PKD2: variants seen among roughly 807,000 people sequenced by gnomAD.
PKD2 encodes the protein polycystin-2.
Under a neutral mutation model 105.9 loss-of-function variants are expected in PKD2, and 48 were observed. The observed-to-expected ratio is 0.45, with a 90% CI of 0.36 to 0.58. The LOEUF (loss-of-function observed/expected upper bound fraction) is 0.58. PKD2 is among the 20% of genes least tolerant of loss of function. The pLI is 0.00. For missense variants in PKD2, 1,078 were observed against 1,255.3 expected, an observed-to-expected ratio of 0.86 and a Z score of 2.13; for synonymous variants, 464 against 481.1, an observed-to-expected ratio of 0.96 and a Z score of 0.46.
intron 2 of PKD2, among the ~76,000 whole-genome samples, chr4:88,033,184 T>TG (rs1231403594): frequency 6.6e-6 from 1 of 152,146 alleles, no homozygotes; most frequent in African/African-American, 2.4e-5. Flanking sequence ...CCCAGCACTT[T>TG]GGGAGGCCGA....
chr4:88,077,049 AT>A lies in PKD2; in HGVS notation c.*1356del, dbSNP rs1721261389. On this transcript the variant is annotated 3_prime_UTR_variant, in exon 15 of 15. Coordinates refer to ENST00000237596, the MANE Select transcript of PKD2 (RefSeq NM_000297.4). ...AGAAATCTATTTCTCAAAAAAAAAA[AT>A]CTTCTTTTACAGAAATGTTGAGTAA... 6.6e-6 allele frequency: 1 copy of A among 152,190 alleles called. No homozygotes were observed. The highest frequency in any genetic ancestry group is 2.4e-5 in the African/African-American group (1 of 41,450). 9.4% of individuals were successfully genotyped at this position (152,190 alleles called of 1,614,324 possible).
chr4:88,021,174 A>C (rs1726735001), intron 2 of PKD2, among the ~76,000 whole-genome samples: 1 of 152,120 alleles, frequency 6.6e-6, no homozygotes, highest in African/African-American at 2.4e-5. Flanking sequence ...ATAGAAGGTA[A>C]CCCCTGTACG....
chr4:88,009,707 A>G (rs918121972), intron 1 of PKD2, among the ~76,000 whole-genome samples: 2 of 152,222 alleles, frequency 1.3e-5, no homozygotes, highest in Non-Finnish European at 2.9e-5. Context: ...TTTTCGGATA[A>G]CCTGTGTGAG....
At chr4:88,025,778 C>A (rs1450665021) in intron 2 of PKD2, among the ~76,000 whole-genome samples, 1 of 152,072 alleles carries the variant, frequency 6.6e-6, no homozygotes, top group Non-Finnish European at 1.5e-5. Flanking sequence ...GGGATGGTTT[C>A]CCCTCTGCTG....
At chr4:88,066,027 C>T in intron 12 of PKD2, 148 bp downstream of exon 12, 1 of 678,072 alleles carries the variant, frequency 1.5e-6, no homozygotes, top group Non-Finnish European at 2.7e-6. Context: ...GTGTTAGTAC[C>T]CTGTTTATTC....
chr4:88,068,300 C>T (rs2110141680), intron 13 of PKD2, among the ~76,000 whole-genome samples: 2 of 152,230 alleles, frequency 1.3e-5, no homozygotes, highest in East Asian at 3.9e-4. Flanking sequence ...GAAACCCCAT[C>T]TCTATTAAAA....
Position 88,008,329 on chromosome 4 carries a change from G to T in PKD2, c.595+1G>T. The T allele has an allele frequency of 6.6e-7, 1 of 1,506,526 alleles. No individual in the cohort carries two copies. The highest frequency in any genetic ancestry group is 8.8e-7 in the Non-Finnish European group (1 of 1,132,972). 93.3% of individuals were successfully genotyped at this position (1,506,526 alleles called of 1,614,324 possible). On this transcript the variant is annotated splice_donor_variant, in intron 1 of 14. Coordinates refer to ENST00000237596, the MANE Select transcript of PKD2 (RefSeq NM_000297.4). LOFTEE classifies it high-confidence loss of function. ...GAGAGGCTGGTTCGCGGGCTGCGAG[G>T]TAAGAGCGCGCGACCCGCAGCGGCA... is the stretch of plus-strand genomic sequence containing the variant.
intron 6 of PKD2, among the ~76,000 whole-genome samples, chr4:88,048,268 T>G (rs1727849465): frequency 6.6e-6 from 1 of 152,212 alleles, no homozygotes; most frequent in East Asian, 1.9e-4. Flanking sequence ...TTATGAGAGT[T>G]ATTCTTTCCC....
intron 7 of PKD2, among the ~76,000 whole-genome samples, chr4:88,053,639 A>G (rs912433639): frequency 6.7e-6 from 1 of 148,840 alleles, no homozygotes; most frequent in African/African-American, 2.6e-5. Context: ...CCTGGGCAAC[A>G]GAGTGAGACC....
Position 88,046,776 on chromosome 4 carries a change from T to G in PKD2, c.1454T>G (p.Phe485Cys). The change falls in exon 6 of 15, where the codon TTT (phenylalanine) becomes TGT (cysteine). Residue 485 changes from phenylalanine (F) to cysteine (C), a missense_variant. Physicochemically the swap from Phe to Cys is radical, Grantham distance 205 (BLOSUM62 -2). This residue lies in a region of PKD2 where 868 missense variants were observed against 1,067.3 expected (regional missense o/e 0.81). Coordinates refer to ENST00000237596, the MANE Select transcript of PKD2 (RefSeq NM_000297.4). ...GAGATTATCTTTTGTTTCTTTATCT[T>G]TTACTATGTGGTGGAAGAGATATTG... ...ACEIIFCFFI[F>C]YYVVEEILEI... is the part of the protein sequence containing the mutation. 1.2e-6 allele frequency: 2 copies of G among 1,611,248 alleles called. No individual in the cohort carries two copies. The highest frequency in any genetic ancestry group is 1.7e-6 in the Non-Finnish European group (2 of 1,177,320).
At chr4:88,037,871 A>G (rs538799135) in intron 3 of PKD2, among the ~76,000 whole-genome samples, 3 of 147,794 alleles carry the variant, frequency 2.0e-5, no homozygotes, top group African/African-American at 8.0e-5. Flanking sequence ...TTTTCTCTAA[A>G]CAAAGTTTAG....
At chr4:88,028,808 A>G (rs923396984) in intron 2 of PKD2, among the ~76,000 whole-genome samples, 1 of 152,212 alleles carries the variant, frequency 6.6e-6, no homozygotes, top group African/African-American at 2.4e-5. Context: ...TTTAAAGTAA[A>G]AAAATCAGTA....
At chr4:88,010,603 T>C (rs1221037699) in intron 1 of PKD2, among the ~76,000 whole-genome samples, 1 of 152,186 alleles carries the variant, frequency 6.6e-6, no homozygotes, top group Non-Finnish European at 1.5e-5. Context: ...GTGGGAGAAA[T>C]GACTGAAGTT....
intron 6 of PKD2, among the ~76,000 whole-genome samples, chr4:88,048,099 A>C (rs1320048907): frequency 6.6e-6 from 1 of 152,256 alleles, no homozygotes; most frequent in East Asian, 1.9e-4. Context: ...ATATAACAAC[A>C]TGCTTAATTA....
chr4:88,073,363 A>G (rs1166654171), intron 13 of PKD2, among the ~76,000 whole-genome samples: 1 of 151,764 alleles, frequency 6.6e-6, no homozygotes, highest in South Asian at 2.1e-4. Context: ...CATCTCTACT[A>G]AAAAATAGAA....
intron 2 of PKD2, among the ~76,000 whole-genome samples, chr4:88,021,357 T>G (rs1375232859): frequency 6.6e-6 from 1 of 152,234 alleles, no homozygotes; most frequent in Non-Finnish European, 1.5e-5. Context: ...AGAAGTAAGC[T>G]GAAGACAGAG....
In PKD2 at chr4:88,075,560, A is replaced by C. The variant is rs888130252; in HGVS notation, c.2773A>C (p.Ile925Leu). The stretch of plus-strand genomic sequence containing the variant: ...GGAATCCGATGATGCAGCTTCCCAG[A>C]TCAGTCATGGTTTAGGCACGCCAGT... ...RWESDDAASQISHGLGTPVGL... is the reference protein window; with the variant it reads ...RWESDDAASQLSHGLGTPVGL... Residue 925 changes from isoleucine (I) to leucine (L), a missense_variant, in exon 15 of 15, where the codon ATC becomes CTC. By Grantham distance (5) the Ile-to-Leu change is conservative. This residue lies in a region of PKD2 where 868 missense variants were observed against 1,067.3 expected (regional missense o/e 0.81). Transcript: ENST00000237596. The C allele has an allele frequency of 1.9e-6, 3 of 1,614,004 alleles. No homozygotes were observed. The highest frequency in any genetic ancestry group is 2.5e-6 in the Non-Finnish European group (3 of 1,179,980).
chr4:88,042,085 T>A (rs1320265422), intron 4 of PKD2, among the ~76,000 whole-genome samples: 1 of 152,224 alleles, frequency 6.6e-6, no homozygotes, highest in Admixed American at 6.5e-5. Flanking sequence ...CTACTTCTTC[T>A]CTTGACCAAT....
chr4:88,072,489 C>G (rs1721071604), intron 13 of PKD2, among the ~76,000 whole-genome samples: 1 of 152,198 alleles, frequency 6.6e-6, no homozygotes. Context: ...GAGAAGAGTT[C>G]TATATTCCTA....
Sources: allele counts gnomAD v4.1 joint callset (sites outside exome capture counted in the v4.1 genomes callset), GRCh38; gene constraint gnomAD v4.1.1; regional missense constraint gnomAD v4.1.1; transcripts MANE v1.5; gene names NCBI Gene and HGNC (gene_info 2026-07-23, HGNC 2026-07-21).